The following NEDD9 variants were observed in gnomAD, a reference collection of about 807,000 sequenced individuals.
NEDD9 encodes the protein neural precursor cell expressed, developmentally down-regulated 9.
A neutral mutation model predicts 76.6 loss-of-function variants in NEDD9; 26 were observed. That is an observed-to-expected ratio of 0.34 (90% CI 0.25 to 0.47). NEDD9 has a LOEUF of 0.47. NEDD9 is among the 20% of genes least tolerant of loss of function. The pLI is 1.00. For missense variants in NEDD9, 937 were observed against 1,058.5 expected (o/e 0.89, Z 1.59); for synonymous variants, 392 against 414.2 (o/e 0.95, Z 0.65).
rs114935910 is a variant in NEDD9, at chr6:11,308,340, C to T, written c.-152-2185G>A. ...CAGGTCACTATGAAGAGACATTTGT[C>T]CAAGTAGGAGGATGGGACATCTTTT... is the stretch of plus-strand genomic sequence containing the variant. On this transcript the variant is annotated intron_variant, in intron 2 of 3. Coordinates refer to the NEDD9 transcript ENST00000397378. 6.1e-3 allele frequency among the ~76,000 whole-genome samples: 915 copies of T among 149,118 alleles called. 4 individuals are homozygous for T. Among genetic ancestry groups the T allele is most frequent in the Middle Eastern group, 0.034 (10 of 290 alleles).
intron 1 of NEDD9, among the ~76,000 whole-genome samples, chr6:11,362,442 G>T (rs1329085445): frequency 2.0e-5 from 3 of 151,928 alleles, no homozygotes; most frequent in African/African-American, 4.8e-5. Context: ...CATGTCTTCT[G>T]CCATTTATTA....
chr6:11,232,949 G>A (rs558778808), upstream of NEDD9, among the ~76,000 whole-genome samples: 2 of 151,860 alleles, frequency 1.3e-5, no homozygotes, highest in East Asian at 1.9e-4. Context: ...TTCTTTTTAA[G>A]ATTAACCCAA....
chr6:11,267,229 A>G (rs1760216760), intron 3 of NEDD9, among the ~76,000 whole-genome samples: 1 of 152,198 alleles, frequency 6.6e-6, no homozygotes, highest in South Asian at 2.1e-4. Flanking sequence ...CTCCCTGCAA[A>G]TGTGTCCTTT....
upstream of NEDD9, among the ~76,000 whole-genome samples, chr6:11,235,849 A>G (rs977656755): frequency 2.0e-5 from 3 of 152,174 alleles, no homozygotes; most frequent in African/African-American, 7.2e-5. The surrounding 1 kb of genome is among the most constrained non-coding windows in gnomAD (Gnocchi z 4.1). Flanking sequence ...GGATGAGCTC[A>G]GAGAGGTAGG....
At chr6:11,367,788 A>G (rs1490100932) in intron 1 of NEDD9, among the ~76,000 whole-genome samples, 1 of 152,210 alleles carries the variant, frequency 6.6e-6, no homozygotes, top group African/African-American at 2.4e-5. Flanking sequence ...CCAGGAGTGA[A>G]TGGCATCCCT....
chr6:11,365,593 C>T (rs1762747792), intron 1 of NEDD9, among the ~76,000 whole-genome samples: 1 of 152,124 alleles, frequency 6.6e-6, no homozygotes, highest in South Asian at 2.1e-4. Flanking sequence ...CAAATCCTTC[C>T]CTGCAAGCAC....
Position 11,248,367 on chromosome 6 carries a change from G to A in NEDD9, c.13-34640C>T, listed in dbSNP as rs865953321. Among the ~76,000 whole-genome samples the A allele has an allele frequency of 1.2e-4, 18 of 152,316 alleles. No homozygotes were observed. The South Asian group carries it at 1.5e-3, about 12-fold the overall frequency. On this transcript the variant is annotated intron_variant, in intron 3 of 3. Transcript: ENST00000397378. ...ACATATGGAACCTGATGCTCAGGGA[G>A]TGACTGCCTTGCTCAGGATCACAGC...
chr6:11,196,971 A>G (rs1259861162), intron 2 of NEDD9, among the ~76,000 whole-genome samples: 1 of 152,134 alleles, frequency 6.6e-6, no homozygotes, highest in East Asian at 1.9e-4. Flanking sequence ...TGTACCTTAC[A>G]AAGTCTCCAG....
At chr6:11,307,527 A>G (rs1388922964) in intron 2 of NEDD9, among the ~76,000 whole-genome samples, 1 of 152,042 alleles carries the variant, frequency 6.6e-6, no homozygotes, top group Non-Finnish European at 1.5e-5. Context: ...TTCTTTAGGT[A>G]CTCACACCTT....
intron 3 of NEDD9, chr6:11,305,820 C>T (rs771610961): frequency 1.8e-5 from 13 of 738,158 alleles, no homozygotes; most frequent in Non-Finnish European, 3.0e-5. Context: ...GTAAAAAATT[C>T]ACCTAACAGC....
rs746507535 is a variant in NEDD9 at position 11,305,966 on chromosome 6, G to A, written c.12+26C>T. ...ACTGGAAAAAGGGGAATCACAAATT[G>A]TCTGTTTTTTTCTATCAGTACTCAC... On this transcript the variant is annotated intron_variant, in intron 3 of 3. Transcript: ENST00000397378. 26 of 1,612,940 alleles carry A rather than the reference G, an allele frequency of 1.6e-5. No homozygotes were observed. The South Asian group carries it at 2.9e-4, about 18-fold the overall frequency.
At chr6:11,256,322 T>A (rs1760005557) in intron 3 of NEDD9, among the ~76,000 whole-genome samples, 1 of 152,176 alleles carries the variant, frequency 6.6e-6, no homozygotes, top group South Asian at 2.1e-4. Context: ...GCCAGGTGTA[T>A]GTGCAGCAGG....
At chr6:11,300,380 C>A (rs1346002260) in intron 3 of NEDD9, among the ~76,000 whole-genome samples, 3 of 152,156 alleles carry the variant, frequency 2.0e-5, no homozygotes, top group Non-Finnish European at 4.4e-5. Context: ...ACCAAATCTA[C>A]GTTTGATTGG....
intron 6 of NEDD9, among the ~76,000 whole-genome samples, chr6:11,188,009 C>T (rs1758020101): frequency 1.3e-5 from 2 of 152,174 alleles, no homozygotes; most frequent in Admixed American, 6.5e-5. Flanking sequence ...AAAAAAATTG[C>T]CGTTTAGATG....
rs188504623 is a variant in NEDD9 at position 11,339,778 on chromosome 6, T to C, written c.-213-5217A>G. Among the ~76,000 whole-genome samples the C allele has an allele frequency of 4.3e-3, 652 of 152,356 alleles. 2 individuals carry two copies. The highest frequency in any genetic ancestry group is 0.015 in the African/African-American group (619 of 41,574). ...TTTCAGGACTTGACTGGGTTCTCTC[T>C]ATTTGCATTTCTAGAACCTTTCTTA... On this transcript the variant is annotated intron_variant, in intron 1 of 3. Transcript: ENST00000397378.
intron 1 of NEDD9, among the ~76,000 whole-genome samples, chr6:11,231,142 T>G (rs1483516856): frequency 6.6e-6 from 1 of 152,216 alleles, no homozygotes; most frequent in Non-Finnish European, 1.5e-5. Flanking sequence ...AAGATAACTT[T>G]CCTGCCAAGT....
intron 1 of NEDD9, among the ~76,000 whole-genome samples, chr6:11,364,215 T>C (rs1762723715): frequency 2.6e-5 from 4 of 152,228 alleles, no homozygotes. Flanking sequence ...GCTTCCCTAG[T>C]AGACAACATT....
intron 3 of NEDD9, among the ~76,000 whole-genome samples, chr6:11,292,353 T>C (rs1304611305): frequency 9.8e-5 from 15 of 152,366 alleles, no homozygotes; most frequent in Non-Finnish European, 1.5e-5. Context: ...CAGCGTCTTC[T>C]TGACAGTGTA....
Position 11,305,235 on chromosome 6 carries a change from T to C in NEDD9, c.12+757A>G, listed in dbSNP as rs1309007800. On this transcript the variant is annotated intron_variant, in intron 3 of 3. Coordinates refer to the NEDD9 transcript ENST00000397378. ...TTTTTTCATTTTGAGCATGAGTTACTCTATGTGCATTTTCTCATTTCATCC... is the reference window on the plus strand; with the variant it reads ...TTTTTTCATTTTGAGCATGAGTTACCCTATGTGCATTTTCTCATTTCATCC... 5.9e-6 allele frequency: 5 copies of C among 840,908 alleles called. No homozygotes were observed. In the African/African-American group the frequency reaches 7.2e-5, roughly 12 times the overall value. The allele number at this position is 840,908 out of a possible 1,614,324, so 52.1% of individuals were successfully genotyped here. A position where few individuals can be genotyped will look rare whatever the true frequency, so the allele number is the denominator to read the frequency against.
Sources: allele counts gnomAD v4.1 joint callset (sites outside exome capture counted in the v4.1 genomes callset), GRCh38; gene constraint gnomAD v4.1.1; non-coding constraint Gnocchi (gnomAD v3.1); transcripts MANE v1.5; gene names NCBI Gene and HGNC (gene_info 2026-07-23, HGNC 2026-07-21).